The following ALDH3A2 variants were observed in gnomAD, a reference collection of about 807,000 sequenced individuals.
ALDH3A2 encodes aldehyde dehydrogenase family 3 member A2.
Under a neutral mutation model 51.3 loss-of-function variants are expected in ALDH3A2, and 36 were observed. The observed-to-expected ratio is 0.70, with a 90% CI of 0.54 to 0.93. ALDH3A2 has a LOEUF of 0.93. Ranked by LOEUF, ALDH3A2 falls within the 40% of genes least tolerant of loss-of-function variation. The pLI, the probability that ALDH3A2 is intolerant of heterozygous loss-of-function variation, is 0.00. For synonymous variants in ALDH3A2, 199 were observed against 219.8 expected, an observed-to-expected ratio of 0.91 and a Z score of 0.84; for missense variants, 552 against 603.1, an observed-to-expected ratio of 0.92 and a Z score of 0.89.
intron 1 of ALDH3A2, 181 bp downstream of exon 1, chr17:19,649,305 CAGA>C (rs1221535156): frequency 1.3e-5 from 10 of 750,070 alleles, no homozygotes; most frequent in Admixed American, 2.9e-5. Flanking sequence ...CTCTAGCACT[CAGA>C]AGGGCATATG....
At chr17:19,657,138 C>G (rs540887001) in intron 4 of ALDH3A2, among the ~76,000 whole-genome samples, 1 of 152,336 alleles carries the variant, frequency 6.6e-6, no homozygotes, top group African/African-American at 2.4e-5. Context: ...GTGGCTTTCT[C>G]TGCCCTTCAG....
intron 2 of ALDH3A2, 94 bp downstream of exon 2, chr17:19,651,872 T>A (rs1424856012): frequency 1.7e-6 from 2 of 1,170,040 alleles, no homozygotes; most frequent in Non-Finnish European, 2.5e-6. Context: ...TAAATACATT[T>A]ACTTGGTGAT....
chr17:19,668,377 A>C (rs1406600293), intron 8 of ALDH3A2, among the ~76,000 whole-genome samples: 1 of 151,992 alleles, frequency 6.6e-6, no homozygotes. Context: ...CCTCCCAAGT[A>C]GCTGGGATTA....
chr17:19,661,346 A>T lies in ALDH3A2; in HGVS notation c.940+78A>T, dbSNP rs755768654. 3 of 1,501,206 alleles carry T rather than the reference A, an allele frequency of 2.0e-6. No homozygotes were observed. In the African/African-American group the frequency reaches 4.2e-5, roughly 21 times the overall value. 93.0% of individuals were successfully genotyped at this position (1,501,206 alleles called of 1,614,324 possible). ...CTGACACTACTTATTAACACTAGATAAACTATTAAATATATAGCATTTAAT... is the reference window on the plus strand; with the variant it reads ...CTGACACTACTTATTAACACTAGATTAACTATTAAATATATAGCATTTAAT... On this transcript the variant is annotated intron_variant, in intron 6 of 9. Coordinates refer to ENST00000176643, the MANE Select transcript of ALDH3A2 (RefSeq NM_000382.3).
chr17:19,651,415 T>C lies in ALDH3A2; in HGVS notation c.154-132T>C, dbSNP rs144568191. On this transcript the variant is annotated intron_variant, in intron 1 of 9. Transcript: ENST00000176643. ...GGGCGTGAAGGGTGCAAAAGGAGTC[T>C]GAATGGCAAACAGCTAGTCTGATAA... The C allele has an allele frequency of 5.8e-4, 449 of 779,276 alleles. 5 individuals carry two copies. In the African/African-American group the frequency reaches 6.7e-3, roughly 12 times the overall value. The allele number at this position is 779,276 out of a possible 1,614,324, so 48.3% of individuals were successfully genotyped here. A position where few individuals can be genotyped will look rare whatever the true frequency, so the allele number is the denominator to read the frequency against.
At chr17:19,671,644 T>C in intron 8 of ALDH3A2, 77 bp from the exon 9 acceptor site, 5 of 1,300,174 alleles carry the variant, frequency 3.8e-6, no homozygotes, top group Non-Finnish European at 4.5e-6. Flanking sequence ...GCATGTGAGC[T>C]TTCCCGGTCG....
At chr17:19,657,963 A>G (rs1316465930) in intron 5 of ALDH3A2, 101 bp downstream of exon 5, 9 of 950,578 alleles carry the variant, frequency 9.5e-6, no homozygotes, top group Non-Finnish European at 1.5e-5. Context: ...CTTCAGGAAA[A>G]TTTCAAAATC....
chr17:19,672,054 C>G (rs2085123976), intron 9 of ALDH3A2, 98 bp downstream of exon 9: 1 of 1,182,502 alleles, frequency 8.5e-7, no homozygotes, highest in African/African-American at 1.5e-5. Flanking sequence ...CTTGTAGAGT[C>G]TAAGACAGGG....
intron 1 of ALDH3A2, 36 bp downstream of exon 1, chr17:19,649,160 C>G (rs564741231): frequency 6.5e-7 from 1 of 1,541,720 alleles, no homozygotes; most frequent in African/African-American, 1.4e-5. Context: ...GGGAAACTGG[C>G]CCCCGCCGCG....
chr17:19,662,771 C>G (rs1218257238), intron 6 of ALDH3A2, among the ~76,000 whole-genome samples: 3 of 152,194 alleles, frequency 2.0e-5, no homozygotes, highest in Non-Finnish European at 4.4e-5. Flanking sequence ...CACAGAGGAG[C>G]TGTCTTTGCT....
At chr17:19,649,337 TCCTTTTCTG>T (rs200923336) in intron 1 of ALDH3A2, 8,172 of 605,916 alleles carry the variant, frequency 0.013, 120 homozygotes, top group African/African-American at 0.05. Context: ...CTTCTGTGGT[TCCTTTTCTG>T]CCTTTTCTAT....
At chr17:19,655,563 A>G (rs927273733) in intron 3 of ALDH3A2, among the ~76,000 whole-genome samples, 1 of 152,264 alleles carries the variant, frequency 6.6e-6, no homozygotes, top group African/African-American at 2.4e-5. Context: ...CAGCTGAACC[A>G]TGAAGTGAAT....
intron 5 of ALDH3A2, 103 bp from the exon 6 acceptor site, chr17:19,661,024 G>T: frequency 8.8e-7 from 1 of 1,135,280 alleles, no homozygotes; most frequent in Admixed American, 1.9e-5. Context: ...ATTCTGTGAG[G>T]ATATAAAACC....
rs1437552699 is a variant in ALDH3A2 at position 19,677,037 on chromosome 17, C to A, written c.*1465C>A. ...TCAGAAGTTACTCTCATCAGTCGTT[C>A]ATGGTCACAACCTGAGGTACTCTGC... On this transcript the variant is annotated 3_prime_UTR_variant, in exon 10 of 10. Transcript: ENST00000176643. 6.6e-6 allele frequency: 1 copy of A among 152,264 alleles called. No individual in the cohort carries two copies. Among genetic ancestry groups the A allele is most frequent in the East Asian group, 1.9e-4 (1 of 5,202 alleles). 9.4% of individuals were successfully genotyped at this position (152,264 alleles called of 1,614,324 possible). A position where few individuals can be genotyped will look rare whatever the true frequency, so the allele number is the denominator to read the frequency against.
At chr17:19,672,310 G>T (rs894931409) in intron 9 of ALDH3A2, 2 of 318,682 alleles carry the variant, frequency 6.3e-6, no homozygotes, top group East Asian at 7.1e-5. Context: ...TCTGATCAAA[G>T]GGTTAGCCCT....
In ALDH3A2 at chr17:19,661,350, T is replaced by A. The variant is rs779855770; in HGVS notation, c.940+82T>A. 3 of 1,455,378 alleles carry A rather than the reference T, an allele frequency of 2.1e-6. No homozygotes were observed. In the African/African-American group the frequency reaches 4.2e-5, roughly 20 times the overall value. The allele number at this position is 1,455,378 out of a possible 1,614,324, so 90.2% of individuals were successfully genotyped here. On this transcript the variant is annotated intron_variant, in intron 6 of 9. Coordinates refer to ENST00000176643, the MANE Select transcript of ALDH3A2 (RefSeq NM_000382.3). ...CACTACTTATTAACACTAGATAAAC[T>A]ATTAAATATATAGCATTTAATTGTT... is the stretch of plus-strand genomic sequence containing the variant.
At position 19,661,499 on chromosome 17, in the gene ALDH3A2, A is replaced by C. The variant is rs370245967; in HGVS notation, c.940+231A>C. ...CGTTGCTCCAGTTGTTCATATTTAC[A>C]CATAACTCCTTTTTTCCTCCTAACA... On this transcript the variant is annotated intron_variant, in intron 6 of 9. Coordinates refer to ENST00000176643, the MANE Select transcript of ALDH3A2 (RefSeq NM_000382.3). 5.8e-6 allele frequency: 3 copies of C among 516,802 alleles called. No individual in the cohort carries two copies. In the East Asian group the frequency reaches 1.0e-4, roughly 18 times the overall value. 32.0% of individuals were successfully genotyped at this position (516,802 alleles called of 1,614,324 possible).
At position 19,654,067 on chromosome 17, in the gene ALDH3A2, A is replaced by G. The variant is rs767258734; in HGVS notation, c.471+1435A>G. 6.6e-6 allele frequency among the ~76,000 whole-genome samples: 1 copy of G among 152,176 alleles called. No individual in the cohort carries two copies. Among genetic ancestry groups the G allele is most frequent in the African/African-American group, 2.4e-5 (1 of 41,426 alleles). ...TAGAGTGCTGACTGGTGCTTTTACAATCCTCTAGCTAGACATAAAAGTTCT... is the reference window on the plus strand; with the variant it reads ...TAGAGTGCTGACTGGTGCTTTTACAGTCCTCTAGCTAGACATAAAAGTTCT... On this transcript the variant is annotated intron_variant, in intron 3 of 9. Coordinates refer to ENST00000176643, the MANE Select transcript of ALDH3A2 (RefSeq NM_000382.3). This position sits in a 1 kb window ranked among gnomAD's most constrained non-coding sequence, Gnocchi z 4.5.
At chr17:19,661,885 A>C (rs2084971114) in intron 6 of ALDH3A2, 1 of 147,228 alleles carries the variant, frequency 6.8e-6, no homozygotes, top group South Asian at 2.2e-4. Flanking sequence ...AATCAACTTT[A>C]AAAAAAAAAA....
Sources: allele counts gnomAD v4.1 joint callset (sites outside exome capture counted in the v4.1 genomes callset), GRCh38; gene constraint gnomAD v4.1.1; non-coding constraint Gnocchi (gnomAD v3.1); transcripts MANE v1.5; gene names NCBI Gene and HGNC (gene_info 2026-07-23, HGNC 2026-07-21).